VWC2L: variants seen among roughly 807,000 people sequenced by gnomAD.
VWC2L encodes the protein von Willebrand factor C domain containing 2 like.
A neutral mutation model predicts 21.6 loss-of-function variants in VWC2L; 10 were observed. That is an observed-to-expected ratio of 0.46 (90% CI 0.29 to 0.78). The LOEUF (loss-of-function observed/expected upper bound fraction) is 0.78. Ranked by LOEUF, VWC2L falls within the 30% of genes least tolerant of loss-of-function variation. The pLI is 0.10. For missense variants in VWC2L, 209 were observed against 277.1 expected (o/e 0.75, Z 1.74); for synonymous variants, 96 against 94.3 (o/e 1.02, Z -0.10).
intron 2 of VWC2L, among the ~76,000 whole-genome samples, chr2:214,426,328 C>T (rs1324705653): frequency 2.0e-5 from 3 of 152,036 alleles, no homozygotes; most frequent in Non-Finnish European, 2.9e-5. Flanking sequence ...GGTGTCAAGC[C>T]GAGTGACAAG....
intron 3 of VWC2L, among the ~76,000 whole-genome samples, chr2:214,473,935 G>A (rs1366810392): frequency 6.6e-6 from 1 of 152,050 alleles, no homozygotes; most frequent in Non-Finnish European, 1.5e-5. Flanking sequence ...GGTCTCATTA[G>A]CACATGTGTT....
At chr2:214,436,290 C>T (rs1235492923) in intron 2 of VWC2L, 2 of 185,478 alleles carry the variant, frequency 1.1e-5, no homozygotes, top group South Asian at 1.3e-4. Flanking sequence ...TGCCTGTTTA[C>T]GAGAGGAGGT....
chr2:214,537,112 A>T (rs1440274752), intron 3 of VWC2L, among the ~76,000 whole-genome samples: 1 of 151,962 alleles, frequency 6.6e-6, no homozygotes, highest in Admixed American at 6.6e-5. Context: ...AATCTGGGTT[A>T]GTTGTCCCTC....
At chr2:214,513,269 G>T (rs1039948569) in intron 3 of VWC2L, among the ~76,000 whole-genome samples, 14 of 152,014 alleles carry the variant, frequency 9.2e-5, no homozygotes, top group Admixed American at 7.9e-4. Context: ...TTCAAAGCAG[G>T]GCTTCCTTCA....
Position 214,491,688 on chromosome 2 carries a change from T to C in VWC2L, c.520+54930T>C, listed in dbSNP as rs942874512. Among the ~76,000 whole-genome samples, 23 of 152,290 alleles carry C rather than the reference T, an allele frequency of 1.5e-4. 2 individuals are homozygous for C. Among genetic ancestry groups the C allele is most frequent in the Admixed American group, 5.9e-4 (9 of 15,278 alleles). On this transcript the variant is annotated intron_variant, in intron 3 of 3. Transcript: ENST00000312504. ...CTCAATTCTAAGAAACAGCATTACA[T>C]AGAAGAAAGGAGAGAACACTGGAGT...
At position 214,441,815 on chromosome 2, in the gene VWC2L, TA is replaced by T. The variant is rs538992525; in HGVS notation, c.520+5059del. 2.8e-3 allele frequency among the ~76,000 whole-genome samples: 420 copies of T among 152,020 alleles called. 8 individuals carry two copies. The highest frequency in any genetic ancestry group is 9.7e-3 in the African/African-American group (404 of 41,530). ...AATACATATCATTTTGTATGTAATA[TA>T]ATGTATACTACATATCTAATGTGTA... is the stretch of plus-strand genomic sequence containing the variant. On this transcript the variant is annotated intron_variant, in intron 3 of 3. Coordinates refer to ENST00000312504, the MANE Select transcript of VWC2L (RefSeq NM_001080500.4).
chr2:214,442,132 G>A (rs1025469412), intron 3 of VWC2L, among the ~76,000 whole-genome samples: 18 of 152,110 alleles, frequency 1.2e-4, no homozygotes, highest in South Asian at 6.2e-4. Flanking sequence ...GACTGGTCTC[G>A]AACTCCTGAC....
At chr2:214,487,942 C>G (rs1269929204) in intron 3 of VWC2L, among the ~76,000 whole-genome samples, 1 of 152,204 alleles carries the variant, frequency 6.6e-6, no homozygotes, top group Non-Finnish European at 1.5e-5. Context: ...GAAGGTTGAT[C>G]AGCTTGCAAC....
At chr2:214,530,223 T>C (rs912776863) in intron 3 of VWC2L, among the ~76,000 whole-genome samples, 1 of 152,146 alleles carries the variant, frequency 6.6e-6, no homozygotes. Context: ...CTTTCCTTAG[T>C]TAAAATGTTA....
chr2:214,417,036 T>C (rs1320869764), intron 2 of VWC2L, among the ~76,000 whole-genome samples: 2 of 152,136 alleles, frequency 1.3e-5, no homozygotes, highest in Admixed American at 1.3e-4. Context: ...GCTCTACTTA[T>C]CCCTATGAAC....
chr2:214,415,327 T>C (rs1359228372), intron 2 of VWC2L: 1 of 152,242 alleles, frequency 6.6e-6, no homozygotes, highest in African/African-American at 2.4e-5. Context: ...TAGTTTTAAT[T>C]GGGATATCCT....
rs975388385 is a variant in VWC2L, at chr2:214,429,610, T to C, written c.391-7019T>C. Among the ~76,000 whole-genome samples, 4 of 152,250 alleles carry C rather than the reference T, an allele frequency of 2.6e-5. No homozygotes were observed. In the South Asian group the frequency reaches 6.2e-4, roughly 24 times the overall value. ...TTATTGCTTACATTCTCCTTACCTA[T>C]ATTTTTTAAAATTTACATTTATATG... On this transcript the variant is annotated intron_variant, in intron 2 of 3. Coordinates refer to ENST00000312504, the MANE Select transcript of VWC2L (RefSeq NM_001080500.4).
chr2:214,519,910 C>A (rs967925190), intron 3 of VWC2L, among the ~76,000 whole-genome samples: 1 of 152,086 alleles, frequency 6.6e-6, no homozygotes, highest in Non-Finnish European at 1.5e-5. Flanking sequence ...TTACAATAAT[C>A]TACATGTTTC....
chr2:214,422,299 T>TTGTGTGTG (rs112286362), intron 2 of VWC2L, among the ~76,000 whole-genome samples: 2 of 150,144 alleles, frequency 1.3e-5, no homozygotes, highest in Non-Finnish European at 3.0e-5. Context: ...ATGCATTAAT[T>TTGTGTGTG]TGTGTGTGTG....
At chr2:214,550,868 C>T (rs1689783021) in intron 3 of VWC2L, among the ~76,000 whole-genome samples, 1 of 152,078 alleles carries the variant, frequency 6.6e-6, no homozygotes, top group African/African-American at 2.4e-5. Context: ...CAGTGGCTCC[C>T]CATTTCTTAG....
intron 3 of VWC2L, among the ~76,000 whole-genome samples, chr2:214,561,784 TTATATATATATATA>T (rs67223012): frequency 0.78 from 100,251 of 128,934 alleles, 38,821 homozygotes; most frequent in East Asian, 0.89. Flanking sequence ...TCAAAAAAAA[TTATATATATATATA>T]TATATATATA....
chr2:214,451,677 A>G (rs2126184906), intron 3 of VWC2L, among the ~76,000 whole-genome samples: 1 of 152,328 alleles, frequency 6.6e-6, no homozygotes, highest in Non-Finnish European at 1.5e-5. Context: ...AAGAAGGCAC[A>G]ATAATGAAAG....
chr2:214,492,816 G>T (rs1318168337), intron 3 of VWC2L, among the ~76,000 whole-genome samples: 1 of 152,072 alleles, frequency 6.6e-6, no homozygotes, highest in Non-Finnish European at 1.5e-5. Context: ...ACATGTCAGA[G>T]GCTTACAACA....
chr2:214,511,558 C>T (rs747512124), intron 3 of VWC2L, among the ~76,000 whole-genome samples: 29 of 152,226 alleles, frequency 1.9e-4, no homozygotes, highest in Admixed American at 5.2e-4. Flanking sequence ...GGATGCCTAT[C>T]TGCAAACTGA....
Sources: allele counts gnomAD v4.1 joint callset (sites outside exome capture counted in the v4.1 genomes callset), GRCh38; gene constraint gnomAD v4.1.1; transcripts MANE v1.5; gene names NCBI Gene and HGNC (gene_info 2026-07-23, HGNC 2026-07-21).